Variants in CTPS1 observed in about 807,000 individuals in gnomAD.
CTPS1 encodes the protein CTP synthetase 1.
Under a neutral mutation model 80.5 loss-of-function variants are expected in CTPS1, and 25 were observed. That is an observed-to-expected ratio of 0.31 (90% CI 0.23 to 0.43). The LOEUF is 0.43. Ranked by LOEUF, CTPS1 falls within the 20% of genes least tolerant of loss-of-function variation. The pLI, the probability that CTPS1 is intolerant of heterozygous loss-of-function variation, is 1.00. For missense variants in CTPS1, 442 were observed against 725.7 expected (o/e 0.61, Z 4.49); for synonymous variants, 267 against 252.5 (o/e 1.06, Z -0.54).
Position 41,009,647 on chromosome 1 carries a change from G to A in CTPS1, c.1691+58G>A, listed in dbSNP as rs555524643. 1.9e-5 allele frequency: 31 copies of A among 1,591,590 alleles called. No individual in the cohort carries two copies. In the East Asian group the frequency reaches 2.3e-4, roughly 12 times the overall value. ...GTCTTCTCTAGTCCTTTAGGTGGTCGCTGATTCATTACAGCAACACGTCAC... is the reference window on the plus strand; with the variant it reads ...GTCTTCTCTAGTCCTTTAGGTGGTCACTGATTCATTACAGCAACACGTCAC... On this transcript the variant is annotated intron_variant, in intron 17 of 18. Coordinates refer to ENST00000650070, the MANE Select transcript of CTPS1 (RefSeq NM_001905.4).
chr1:41,001,137 T>G lies in CTPS1; in HGVS notation c.1094+20T>G. On this transcript the variant is annotated intron_variant, in intron 10 of 18. Coordinates refer to ENST00000650070, the MANE Select transcript of CTPS1 (RefSeq NM_001905.4). ...TGCTCAGTGAGTAGAGTTCGCTGCC[T>G]TGGGTTTCCAGAGTTCTTTTGGTTT... The G allele has an allele frequency of 6.4e-7, 1 of 1,572,656 alleles. No homozygotes were observed. Among genetic ancestry groups the G allele is most frequent in the Non-Finnish European group, 8.6e-7 (1 of 1,157,324 alleles).
Position 40,997,487 on chromosome 1 carries a change from G to A in CTPS1, c.966G>A (p.Glu322=), listed in dbSNP as rs1642785815. The A allele has an allele frequency of 6.2e-7, 1 of 1,614,222 alleles. No individual in the cohort carries two copies. The highest frequency in any genetic ancestry group is 8.5e-7 in the Non-Finnish European group (1 of 1,180,038). Residue 322 remains glutamate, a synonymous_variant, in exon 9 of 19, where the codon GAG becomes GAA. Coordinates refer to ENST00000650070, the MANE Select transcript of CTPS1 (RefSeq NM_001905.4). ...DSYASVIKAL[E]HSALAINHKL... ...ATGCCTCTGTCATTAAGGCTCTGGAGCATTCTGCACTGGCCATCAACCACA... is the reference window on the plus strand; with the variant it reads ...ATGCCTCTGTCATTAAGGCTCTGGAACATTCTGCACTGGCCATCAACCACA...
chr1:40,998,247 C>T (rs1444464164), intron 9 of CTPS1, among the ~76,000 whole-genome samples: 1 of 151,852 alleles, frequency 6.6e-6, no homozygotes, highest in Non-Finnish European at 1.5e-5. Context: ...CAATACAAAA[C>T]ATTAGCCAGG....
At chr1:40,990,701 GAGA>G (rs1054622293) in intron 5 of CTPS1, among the ~76,000 whole-genome samples, 1 of 152,156 alleles carries the variant, frequency 6.6e-6, no homozygotes, top group African/African-American at 2.4e-5. Flanking sequence ...TTAAGTGTGA[GAGA>G]AGAATAAAGA....
chr1:40,988,053 C>T (rs933076577), intron 4 of CTPS1, among the ~76,000 whole-genome samples: 3 of 152,154 alleles, frequency 2.0e-5, no homozygotes, highest in African/African-American at 7.2e-5. Context: ...GCTGGGACTA[C>T]AGTGCGCACC....
intron 2 of CTPS1, among the ~76,000 whole-genome samples, chr1:40,983,871 C>G (rs920024566): frequency 6.6e-6 from 1 of 152,258 alleles, no homozygotes; most frequent in Middle Eastern, 3.4e-3. Context: ...TCCCAAAGTG[C>G]TGGGTTTTAT....
At chr1:40,997,352 A>G in intron 8 of CTPS1, 42 bp from the exon 9 acceptor site, 1 of 1,600,162 alleles carries the variant, frequency 6.2e-7, no homozygotes, top group Non-Finnish European at 8.5e-7. Flanking sequence ...GATAGCGTGT[A>G]CCTTCTGAGT....
chr1:41,001,348 G>C (rs1384447294), intron 10 of CTPS1, among the ~76,000 whole-genome samples: 1 of 152,200 alleles, frequency 6.6e-6, no homozygotes, highest in Admixed American at 6.5e-5. Context: ...TGCATCTATT[G>C]ATGAGGCTCA....
chr1:41,010,600 G>C (rs1394501808), intron 18 of CTPS1, among the ~76,000 whole-genome samples: 1 of 152,176 alleles, frequency 6.6e-6, no homozygotes. Flanking sequence ...TGAATTCTTA[G>C]ACCCTATTGT....
At position 40,983,261 on chromosome 1, in the gene CTPS1, A is replaced by G. The variant is rs556234590; in HGVS notation, c.-13-17A>G. On this transcript the variant is annotated splice_polypyrimidine_tract_variant and intron_variant, in intron 1 of 18. Transcript: ENST00000650070. ...TTGAGATACATTTATATCATCTGTA[A>G]TTTTTCCTTCTTCCAGGTCAAAGAG... The G allele has an allele frequency of 4.4e-6, 7 of 1,604,304 alleles. No homozygotes were observed. In the South Asian group the frequency reaches 6.7e-5, roughly 15 times the overall value.
intron 18 of CTPS1, among the ~76,000 whole-genome samples, chr1:41,011,242 A>G (rs1213184882): frequency 6.6e-6 from 1 of 152,210 alleles, no homozygotes; most frequent in East Asian, 1.9e-4. Context: ...GTAAGCGTTT[A>G]ACACGGATGG....
At chr1:40,981,708 T>C (rs1351036686) in intron 1 of CTPS1, among the ~76,000 whole-genome samples, 3 of 152,222 alleles carry the variant, frequency 2.0e-5, no homozygotes, top group African/African-American at 7.2e-5. Context: ...CTCTGATTTA[T>C]ATCCATAACA....
At chr1:41,001,442 A>G in intron 10 of CTPS1, 1 of 274,732 alleles carries the variant, frequency 3.6e-6, no homozygotes, top group Non-Finnish European at 6.9e-6. Context: ...TATTTATAAT[A>G]GTAAAACATT....
chr1:40,988,530 T>C, intron 4 of CTPS1, 64 bp from the exon 5 acceptor site: 1 of 1,063,508 alleles, frequency 9.4e-7, no homozygotes. Context: ...GAACAGTTGT[T>C]AGAAAACTAA....
At chr1:40,985,262 G>A (rs528436549) in intron 3 of CTPS1, among the ~76,000 whole-genome samples, 10 of 152,362 alleles carry the variant, frequency 6.6e-5, no homozygotes, top group Non-Finnish European at 1.2e-4. Context: ...TACGAGTCCA[G>A]AGAGCTGTTG....
chr1:40,991,756 T>G lies in CTPS1; in HGVS notation c.640-9T>G. ...CTTCTGTCTAAGCCATCTTGTTCTC[T>G]ACTGCTAGGTTGTATGCAGGTGCTC... is the stretch of plus-strand genomic sequence containing the variant. On this transcript the variant is annotated splice_polypyrimidine_tract_variant and intron_variant, in intron 6 of 18. Transcript: ENST00000650070. 6.2e-7 allele frequency: 1 copy of G among 1,607,150 alleles called. No homozygotes were observed. The highest frequency in any genetic ancestry group is 8.5e-7 in the Non-Finnish European group (1 of 1,173,624).
At chr1:40,994,778 A>C (rs1450937980) in intron 7 of CTPS1, among the ~76,000 whole-genome samples, 1 of 152,208 alleles carries the variant, frequency 6.6e-6, no homozygotes, top group Non-Finnish European at 1.5e-5. Flanking sequence ...AGTAAACATT[A>C]ATATTAAACC....
chr1:40,982,391 C>T (rs1642335036), intron 1 of CTPS1, among the ~76,000 whole-genome samples: 1 of 135,970 alleles, frequency 7.4e-6, no homozygotes, highest in Admixed American at 7.5e-5. Context: ...TAGAAGAGAA[C>T]TACTTTTTCT....
chr1:40,994,959 A>G (rs920713827), intron 7 of CTPS1, among the ~76,000 whole-genome samples: 2 of 152,162 alleles, frequency 1.3e-5, no homozygotes, highest in South Asian at 2.1e-4. Flanking sequence ...CCACTGTTAA[A>G]TTTCCTAACA....
Sources: gnomAD v4.1 joint callset for allele counts (sites outside exome capture counted in the v4.1 genomes callset) on GRCh38, gnomAD v4.1.1 for gene constraint, MANE v1.5 for transcripts, NCBI Gene and HGNC (gene_info 2026-07-23, HGNC 2026-07-21) for gene names.